GRIK3: variants seen among roughly 807,000 people sequenced by gnomAD.
GRIK3 encodes glutamate receptor ionotropic, kainate 3.
In GRIK3, 29 loss-of-function variants were observed where a neutral mutation model predicts 102.5. The ratio of observed to expected loss-of-function variants is 0.28; its 90% confidence interval spans 0.21 to 0.39. The LOEUF (loss-of-function observed/expected upper bound fraction) is 0.39. Ranked by LOEUF, GRIK3 falls within the 10% of genes least tolerant of loss-of-function variation. The pLI is 1.00. For synonymous variants in GRIK3, 511 were observed against 504.9 expected (o/e 1.01, Z -0.16); for missense variants, 908 against 1,252.4 (o/e 0.73, Z 4.15).
chr1:36,992,170 G>A (rs551367184), intron 1 of GRIK3, among the ~76,000 whole-genome samples: 18 of 152,268 alleles, frequency 1.2e-4, no homozygotes, highest in East Asian at 9.6e-4. Flanking sequence ...GCCATCTTCC[G>A]CCCTTCCCAA....
chr1:36,950,657 C>T (rs757767059), intron 1 of GRIK3, among the ~76,000 whole-genome samples: 4 of 152,256 alleles, frequency 2.6e-5, no homozygotes, highest in Non-Finnish European at 4.4e-5. Context: ...TTGGTACCCA[C>T]ATCCTGCTGC....
chr1:36,959,756 T>TCTGTGTGCCCTGTGAGC (rs746566654), intron 1 of GRIK3, among the ~76,000 whole-genome samples: 6 of 99,012 alleles, frequency 6.1e-5, no homozygotes, highest in Non-Finnish European at 1.3e-4. Flanking sequence ...CCCCATTGAG[T>TCTGTGTGCCCTGTGAGC]CTGTGTGCCC....
At chr1:36,992,148 G>A (rs1642369431) in intron 1 of GRIK3, among the ~76,000 whole-genome samples, 1 of 152,254 alleles carries the variant, frequency 6.6e-6, no homozygotes, top group Non-Finnish European at 1.5e-5. Flanking sequence ...TGGGCATAGA[G>A]ATGAACACGA....
intron 1 of GRIK3, among the ~76,000 whole-genome samples, chr1:37,027,306 T>A (rs1024261763): frequency 2.6e-5 from 4 of 152,148 alleles, no homozygotes; most frequent in African/African-American, 7.2e-5. Flanking sequence ...GAACAACCTG[T>A]TGTCCTCAAA....
At chr1:36,984,716 T>C (rs1483449683) in intron 1 of GRIK3, among the ~76,000 whole-genome samples, 2 of 152,234 alleles carry the variant, frequency 1.3e-5, no homozygotes, top group Admixed American at 1.3e-4. Flanking sequence ...ATCCCCTTTT[T>C]CATGGCCCTT....
At chr1:36,828,354 C>A (rs1003183372) in intron 10 of GRIK3, among the ~76,000 whole-genome samples, 3 of 152,212 alleles carry the variant, frequency 2.0e-5, no homozygotes, top group African/African-American at 4.8e-5. Flanking sequence ...TGCTGCCTAA[C>A]TCTCTTGGTC....
At chr1:36,965,226 C>T (rs1361968386) in intron 1 of GRIK3, among the ~76,000 whole-genome samples, 2 of 152,166 alleles carry the variant, frequency 1.3e-5, no homozygotes, top group Admixed American at 6.5e-5. Context: ...GCGGGCTGAA[C>T]TTTCCAGAAG....
At position 36,801,839 on chromosome 1, in the gene GRIK3, C is replaced by T. The variant is rs200877925; in HGVS notation, c.*12G>A. The T allele has an allele frequency of 1.1e-5, 18 of 1,586,870 alleles. No homozygotes were observed. The Admixed American group carries it at 1.7e-4, about 15-fold the overall frequency. On this transcript the variant is annotated 3_prime_UTR_variant, in exon 16 of 16. Coordinates refer to ENST00000373091, the MANE Select transcript of GRIK3 (RefSeq NM_000831.4). ...CCAGCCCCCAGGCCTGAGGTCCCCA[C>T]CCCAGCTGTGCCTAGGGGAACACAG...
intron 10 of GRIK3, among the ~76,000 whole-genome samples, chr1:36,829,164 C>T (rs757635768): frequency 3.3e-5 from 5 of 152,164 alleles, no homozygotes; most frequent in Admixed American, 1.3e-4. Flanking sequence ...CCGTTAGTTA[C>T]GATTTCCCTG....
At chr1:36,886,193 C>A (rs1177977887) in intron 2 of GRIK3, among the ~76,000 whole-genome samples, 1 of 152,094 alleles carries the variant, frequency 6.6e-6, no homozygotes, top group Non-Finnish European at 1.5e-5. Flanking sequence ...AGGGAAAGGC[C>A]CCCGGCCTCA....
Position 36,819,681 on chromosome 1 carries a change from G to T in GRIK3, c.1873+55C>A. The T allele has an allele frequency of 1.1e-6, 1 of 928,424 alleles. No individual in the cohort carries two copies. Among genetic ancestry groups the T allele is most frequent in the South Asian group, 1.3e-5 (1 of 76,146 alleles). The allele number at this position is 928,424 out of a possible 1,614,324, so 57.5% of individuals were successfully genotyped here. A position where few individuals can be genotyped will look rare whatever the true frequency, so the allele number is the denominator to read the frequency against. On this transcript the variant is annotated intron_variant, in intron 12 of 15. Coordinates refer to ENST00000373091, the MANE Select transcript of GRIK3 (RefSeq NM_000831.4). The surrounding 1 kb of genome is among the most constrained non-coding windows in gnomAD (Gnocchi z 4.1). ...CTCTGCTGATGCCAAAGAGGCTGAA[G>T]ACCGCTTGGGGAAAGCAGACCCTGG... is the stretch of plus-strand genomic sequence containing the variant.
intron 1 of GRIK3, among the ~76,000 whole-genome samples, chr1:36,961,928 C>T (rs1642015264): frequency 6.6e-6 from 1 of 152,206 alleles, no homozygotes; most frequent in Admixed American, 6.5e-5. Flanking sequence ...GACAGAGAAA[C>T]CCAGCCAGAT....
Position 36,798,257 on chromosome 1 carries a change from C to T in GRIK3, c.*3594G>A, listed in dbSNP as rs1642392056. On this transcript the variant is annotated 3_prime_UTR_variant, in exon 16 of 16. Coordinates refer to ENST00000373091, the MANE Select transcript of GRIK3 (RefSeq NM_000831.4). ...GGGGTTGGTGTCTTCTTACCACTGCCCCTCAACTTGGCCAGCTTGAGCAGG... is the reference window on the plus strand; with the variant it reads ...GGGGTTGGTGTCTTCTTACCACTGCTCCTCAACTTGGCCAGCTTGAGCAGG... The T allele has an allele frequency of 6.6e-6, 1 of 152,266 alleles. No individual in the cohort carries two copies. The highest frequency in any genetic ancestry group is 1.5e-5 in the Non-Finnish European group (1 of 68,090). 9.4% of individuals were successfully genotyped at this position (152,266 alleles called of 1,614,324 possible).
chr1:36,967,414 A>G (rs1219304487), intron 1 of GRIK3, among the ~76,000 whole-genome samples: 1 of 152,106 alleles, frequency 6.6e-6, no homozygotes, highest in Non-Finnish European at 1.5e-5. Flanking sequence ...CTCAGGGATC[A>G]CTCTACAGCA....
intron 1 of GRIK3, among the ~76,000 whole-genome samples, chr1:36,919,390 C>T (rs1641442647): frequency 7.1e-6 from 1 of 140,014 alleles, no homozygotes; most frequent in African/African-American, 2.8e-5. Context: ...TATTATTATA[C>T]TTTAAGTTTT....
At chr1:36,892,518 A>C (rs1210461995) in intron 1 of GRIK3, among the ~76,000 whole-genome samples, 1 of 151,556 alleles carries the variant, frequency 6.6e-6, no homozygotes, top group East Asian at 1.9e-4. Flanking sequence ...ACCAGCACAA[A>C]AAAAAAAAAC....
intron 1 of GRIK3, among the ~76,000 whole-genome samples, chr1:36,930,090 G>A (rs1200512887): frequency 6.6e-6 from 1 of 152,116 alleles, no homozygotes; most frequent in African/African-American, 2.4e-5. Context: ...TTATGACCTG[G>A]CATTAGGCGT....
intron 9 of GRIK3, among the ~76,000 whole-genome samples, chr1:36,842,663 A>T (rs748027339): frequency 3.3e-5 from 5 of 152,184 alleles, no homozygotes; most frequent in Non-Finnish European, 7.3e-5. Flanking sequence ...TTAGCAAATG[A>T]GTTTATGCCC....
chr1:36,897,432 G>T (rs1641184072), intron 1 of GRIK3, among the ~76,000 whole-genome samples: 1 of 152,114 alleles, frequency 6.6e-6, no homozygotes. Flanking sequence ...TAACCAAGGA[G>T]ATGAAAGACT....
Sources: gnomAD v4.1 joint callset for allele counts (sites outside exome capture counted in the v4.1 genomes callset) on GRCh38, gnomAD v4.1.1 for gene constraint, Gnocchi (gnomAD v3.1) non-coding constraint, MANE v1.5 for transcripts, NCBI Gene and HGNC (gene_info 2026-07-23, HGNC 2026-07-21) for gene names.